The following GPR161 variants were observed in gnomAD, a reference collection of about 807,000 sequenced individuals.
The protein encoded by GPR161 is G-protein coupled receptor RE2.
In GPR161, 25 loss-of-function variants were observed where a neutral mutation model predicts 39.2. That is an observed-to-expected ratio of 0.64 (90% confidence interval 0.47 to 0.89). The LOEUF (loss-of-function observed/expected upper bound fraction) is 0.89, where lower values mean the gene tolerates loss of function less well. Among genes scored for constraint, GPR161 ranks in the 40% least tolerant of loss-of-function variants. The probability of loss-of-function intolerance (pLI) is 0.00; values close to 1 mark genes in which losing one functional copy is unlikely to be tolerated. For missense variants in GPR161, 547 were observed against 677.8 expected (o/e 0.81, Z 2.14); for synonymous variants, 286 against 276.6 (o/e 1.03, Z -0.34).
rs1364390922 is a variant in GPR161 at position 168,084,770 on chromosome 1, T to C, written c.*761A>G. 1 of 453,360 alleles carries C rather than the reference T, an allele frequency of 2.2e-6. No individual in the cohort carries two copies. The highest frequency in any genetic ancestry group is 6.9e-5 in the East Asian group (1 of 14,390). 28.1% of individuals were successfully genotyped at this position (453,360 alleles called of 1,614,324 possible). A position where few individuals can be genotyped will look rare whatever the true frequency, so the allele number is the denominator to read the frequency against. On this transcript the variant is annotated 3_prime_UTR_variant, in exon 6 of 6. Transcript: ENST00000682931. ...AACAGTGGTACGTCTTAAATGGATT[T>C]TTTTTTTAATTCTGGAAATGAAACA... is the stretch of plus-strand genomic sequence containing the variant.
chr1:168,102,132 T>C (rs1001239542), intron 2 of GPR161, among the ~76,000 whole-genome samples: 4 of 152,222 alleles, frequency 2.6e-5, no homozygotes, highest in African/African-American at 2.4e-5. Context: ...TATTCAGCTA[T>C]GTATTCCCAG....
upstream of GPR161, chr1:168,137,084 C>T (rs969427294): frequency 1.9e-6 from 2 of 1,028,514 alleles, no homozygotes; most frequent in Non-Finnish European, 2.3e-6. Context: ...CCTTCGCGTC[C>T]GTCCGCCCGC....
Position 168,097,182 on chromosome 1 carries a change from T to C in GPR161, c.425A>G (p.Asn142Ser), listed in dbSNP as rs557253418. ...PMVYPMKITG[N>S]RAVMALVYIW... ...GTAGACAAGTGCCATCACAGCCCGG[T>C]TCCCTGTGATCTTCATGGGGTACAC... The change falls in exon 3 of 6, where the codon AAC becomes AGC. Residue 142 changes from asparagine to serine, a missense_variant. Coordinates refer to ENST00000682931, the MANE Select transcript of GPR161 (RefSeq NM_001375883.1). 5.0e-6 allele frequency: 8 copies of C among 1,613,766 alleles called. No homozygotes were observed. Among genetic ancestry groups the C allele is most frequent in the Admixed American group, 3.3e-5 (2 of 60,018 alleles).
chr1:168,132,814 G>T (rs1262494992), intron 1 of GPR161, among the ~76,000 whole-genome samples: 1 of 151,980 alleles, frequency 6.6e-6, no homozygotes, highest in Non-Finnish European at 1.5e-5. Flanking sequence ...GCACAGTCTC[G>T]GCTCACTGCA....
Position 168,136,379 on chromosome 1 carries a change from G to C in GPR161, c.-45+360C>G. On this transcript the variant is annotated intron_variant, in intron 1 of 5. Coordinates refer to ENST00000682931, the MANE Select transcript of GPR161 (RefSeq NM_001375883.1). Reference sequence around the variant, plus strand: ...CCCGCATCGGCAGAGTCCCGGGCACGCACCTACGCCCTCCCATCCAGCGGA... The same window carrying C: ...CCCGCATCGGCAGAGTCCCGGGCACCCACCTACGCCCTCCCATCCAGCGGA... The C allele has an allele frequency of 2.8e-6, 4 of 1,433,048 alleles. No individual in the cohort carries two copies. The South Asian group carries it at 5.8e-5, about 21-fold the overall frequency. 88.8% of individuals were successfully genotyped at this position (1,433,048 alleles called of 1,614,324 possible). A position where few individuals can be genotyped will look rare whatever the true frequency, so the allele number is the denominator to read the frequency against.
rs764145588 is a variant in GPR161, at chr1:168,096,975, A to T, written c.632T>A (p.Ile211Asn). 9 of 1,614,168 alleles carry T rather than the reference A, an allele frequency of 5.6e-6. No homozygotes were observed. The highest frequency in any genetic ancestry group is 7.6e-6 in the Non-Finnish European group (9 of 1,180,028). Residue 211 changes from isoleucine (I) to asparagine (N), a missense_variant, in exon 3 of 6, where the codon ATC (isoleucine) becomes AAC (asparagine). Coordinates refer to ENST00000682931, the MANE Select transcript of GPR161 (RefSeq NM_001375883.1). The part of the protein sequence containing the change: ...FLVMLVCYGF[I>N]FRVARVKARK... ...TGCCTTGACCCTGGCCACGCGGAAG[A>T]TGAAGCCATAGCACACCAGCATGAC...
At chr1:168,106,385 G>C (rs1696629612) in intron 1 of GPR161, among the ~76,000 whole-genome samples, 1 of 152,194 alleles carries the variant, frequency 6.6e-6, no homozygotes, top group Non-Finnish European at 1.5e-5. Context: ...TCAGGAGTTT[G>C]AGAGCAAGCC....
At chr1:168,130,112 A>G (rs1698877287) in intron 1 of GPR161, among the ~76,000 whole-genome samples, 1 of 152,122 alleles carries the variant, frequency 6.6e-6, no homozygotes. Context: ...CTACCCTGTA[A>G]GCGCTGCAGT....
At chr1:168,120,968 TTA>T (rs1202456435) in intron 1 of GPR161, among the ~76,000 whole-genome samples, 1 of 152,164 alleles carries the variant, frequency 6.6e-6, no homozygotes, top group Non-Finnish European at 1.5e-5. Context: ...ATGGTAAACT[TTA>T]TGTTATGTGT....
intron 1 of GPR161, among the ~76,000 whole-genome samples, chr1:168,108,486 TAAAAAAAAAAAA>T (rs10670498): frequency 2.3e-4 from 4 of 17,480 alleles, no homozygotes; most frequent in Admixed American, 1.0e-3. Context: ...GCCCTAGTTG[TAAAAAAAAAAAA>T]AAAAAAAAAA....
chr1:168,099,927 G>A (rs992876153), intron 2 of GPR161, among the ~76,000 whole-genome samples: 3 of 151,554 alleles, frequency 2.0e-5, no homozygotes, highest in African/African-American at 7.3e-5. Context: ...CCAGCCAGGC[G>A]CAGTGGCTCA....
At position 168,105,927 on chromosome 1, in the gene GPR161, C is replaced by T. The variant is rs12404383; in HGVS notation, c.-44-1033G>A. Among the ~76,000 whole-genome samples the T allele has an allele frequency of 5.3e-5, 8 of 152,340 alleles. No homozygotes were observed. The East Asian group carries it at 1.5e-3, about 29-fold the overall frequency. ...ACGATCAAGACAAAAACTCTGCTGC[C>T]TAAACTGCCTACACACAGCAGCGGG... On this transcript the variant is annotated intron_variant, in intron 1 of 5. Transcript: ENST00000682931.
chr1:168,084,481 C>G lies in GPR161; in HGVS notation c.*1050G>C. ...TCCAAATGACATGTGCACACAAAGA[C>G]AGAGCTGGGCCAATAACCCAGGTTG... On this transcript the variant is annotated 3_prime_UTR_variant, in exon 6 of 6. Transcript: ENST00000682931. 3.2e-6 allele frequency: 1 copy of G among 314,900 alleles called. No homozygotes were observed. The highest frequency in any genetic ancestry group is 6.1e-6 in the Non-Finnish European group (1 of 163,792). The allele number at this position is 314,900 out of a possible 1,614,324, so 19.5% of individuals were successfully genotyped here.
Position 168,098,051 on chromosome 1 carries a change from C to T in GPR161, c.375-819G>A, listed in dbSNP as rs534427345. 5.5e-4 allele frequency among the ~76,000 whole-genome samples: 84 copies of T among 152,324 alleles called. No individual in the cohort carries two copies. Among genetic ancestry groups the T allele is most frequent in the Admixed American group, 1.0e-3 (16 of 15,302 alleles). ...GGGCCAGGAGGGCTATCCATTCAAACTGGCAGGCTTCTGGTCCAGCACAGA... is the reference window on the plus strand; with the variant it reads ...GGGCCAGGAGGGCTATCCATTCAAATTGGCAGGCTTCTGGTCCAGCACAGA... On this transcript the variant is annotated intron_variant, in intron 2 of 5. Transcript: ENST00000682931. This position sits in a 1 kb window ranked among gnomAD's most constrained non-coding sequence, Gnocchi z 4.1.
intron 1 of GPR161, among the ~76,000 whole-genome samples, chr1:168,135,697 A>G (rs1417922842): frequency 6.6e-6 from 1 of 152,204 alleles, no homozygotes; most frequent in Non-Finnish European, 1.5e-5. Context: ...GCCTGGCTCC[A>G]CGGAGGAGCC....
At chr1:168,132,813 C>T (rs1239601719) in intron 1 of GPR161, among the ~76,000 whole-genome samples, 6 of 152,064 alleles carry the variant, frequency 3.9e-5, no homozygotes, top group African/African-American at 1.2e-4. Context: ...GGCACAGTCT[C>T]GGCTCACTGC....
chr1:168,112,948 G>A (rs1697343358), intron 1 of GPR161, among the ~76,000 whole-genome samples: 1 of 152,194 alleles, frequency 6.6e-6, no homozygotes, highest in Admixed American at 6.5e-5. Flanking sequence ...AGAAGACAGA[G>A]GAGGAATGTG....
intron 4 of GPR161, among the ~76,000 whole-genome samples, chr1:168,089,863 G>A (rs1024942090): frequency 1.1e-4 from 17 of 152,236 alleles, no homozygotes; most frequent in African/African-American, 1.9e-4. Flanking sequence ...CCAGGAAGCC[G>A]ACTGCTCAGA....
chr1:168,084,648 T>C lies in GPR161; in HGVS notation c.*883A>G, dbSNP rs1694302175. On this transcript the variant is annotated 3_prime_UTR_variant, in exon 6 of 6. Coordinates refer to ENST00000682931, the MANE Select transcript of GPR161 (RefSeq NM_001375883.1). The stretch of plus-strand genomic sequence containing the variant: ...TCAAACATCACACATAGAATCTATT[T>C]AATGAGGCTTTCCCATGTGAACAAA... 1 of 365,536 alleles carries C rather than the reference T, an allele frequency of 2.7e-6. No individual in the cohort carries two copies. 22.6% of individuals were successfully genotyped at this position (365,536 alleles called of 1,614,324 possible).
Sources: gnomAD v4.1 joint callset for allele counts (sites outside exome capture counted in the v4.1 genomes callset) on GRCh38, gnomAD v4.1.1 for gene constraint, Gnocchi (gnomAD v3.1) non-coding constraint, MANE v1.5 for transcripts, NCBI Gene and HGNC (gene_info 2026-07-23, HGNC 2026-07-21) for gene names.